The following VRK3 variants were observed in gnomAD, a reference collection of about 807,000 sequenced individuals.
VRK3 encodes serine/threonine-protein kinase VRK3.
VRK3 carries 50 observed loss-of-function variants against 60.4 expected under a neutral mutation model. The ratio of observed to expected loss-of-function variants is 0.83; its 90% CI spans 0.66 to 1.05. The LOEUF is 1.05. Among genes scored for constraint, VRK3 ranks in the 50% least tolerant of loss-of-function variants. The pLI is 0.00. For synonymous variants in VRK3, 246 were observed against 227.8 expected (o/e 1.08, Z -0.72); for missense variants, 549 against 585.3 (o/e 0.94, Z 0.64).
At chr19:50,010,936 CAAAAAACAAAAACAAAAAAG>C (rs1275313722) in intron 3 of VRK3, among the ~76,000 whole-genome samples, 2 of 145,542 alleles carry the variant, frequency 1.4e-5, no homozygotes, top group Admixed American at 6.7e-5. Context: ...AAACAAAAAA[CAAAAAACAAAAACAAAAAAG>C]GGAATTCTCA....
At chr19:50,014,846 G>A (rs2077049036) in intron 3 of VRK3, among the ~76,000 whole-genome samples, 1 of 152,190 alleles carries the variant, frequency 6.6e-6, no homozygotes, top group Admixed American at 6.5e-5. Flanking sequence ...TGTATTCACA[G>A]GATCTCTCTG....
intron 12 of VRK3, among the ~76,000 whole-genome samples, chr19:49,985,296 G>C (rs1057454526): frequency 2.6e-5 from 4 of 152,218 alleles, no homozygotes; most frequent in Non-Finnish European, 5.9e-5. Context: ...TAGAGAGTAA[G>C]TGTAAAAATA....
At chr19:49,981,128 A>G in intron 12 of VRK3, 115 bp from the exon 13 acceptor site, 1 of 958,940 alleles carries the variant, frequency 1.0e-6, no homozygotes, top group Non-Finnish European at 1.6e-6. Flanking sequence ...CCCCTCTGCC[A>G]TCCAGGGAAG....
chr19:49,979,966 C>T (rs1215037321), intron 13 of VRK3, among the ~76,000 whole-genome samples: 1 of 152,094 alleles, frequency 6.6e-6, no homozygotes, highest in East Asian at 1.9e-4. Context: ...AGGAGAATGG[C>T]TTGAACCCGG....
chr19:50,002,536 G>A (rs1195822010), intron 5 of VRK3, among the ~76,000 whole-genome samples: 2 of 152,100 alleles, frequency 1.3e-5, no homozygotes, highest in African/African-American at 2.4e-5. Context: ...ATGACAATGC[G>A]TACGTGCCCG....
intron 12 of VRK3, among the ~76,000 whole-genome samples, chr19:49,987,202 A>G (rs1164143758): frequency 6.6e-6 from 1 of 152,170 alleles, no homozygotes; most frequent in Non-Finnish European, 1.5e-5. Flanking sequence ...TCTGAAGTGC[A>G]TGCCTAGCAC....
rs1051381696 is a variant in VRK3, at chr19:50,008,428, C to A, written c.290-602G>T. Reference sequence around the variant, plus strand: ...CCTCCCACCCACCATCCCCTAAAGGCAAGTAATGGCAAGAGGCCTCTGGGC... The same window carrying A: ...CCTCCCACCCACCATCCCCTAAAGGAAAGTAATGGCAAGAGGCCTCTGGGC... On this transcript the variant is annotated intron_variant, in intron 4 of 14. Coordinates refer to ENST00000316763, the MANE Select transcript of VRK3 (RefSeq NM_016440.4). 2.6e-5 allele frequency among the ~76,000 whole-genome samples: 4 copies of A among 152,132 alleles called. No homozygotes were observed. In the East Asian group the frequency reaches 7.7e-4, roughly 29 times the overall value.
At chr19:49,988,304 T>C (rs1367025911) in intron 12 of VRK3, 68 bp downstream of exon 12, 3 of 1,562,434 alleles carry the variant, frequency 1.9e-6, no homozygotes, top group Non-Finnish European at 2.6e-6. Context: ...AGTTGGGCTC[T>C]GGGCTTCTGT....
At chr19:49,995,918 T>G (rs558002042) in intron 7 of VRK3, among the ~76,000 whole-genome samples, 1 of 152,190 alleles carries the variant, frequency 6.6e-6, no homozygotes, top group Non-Finnish European at 1.5e-5. Context: ...CCAGCTAATT[T>G]TTTTTTATTT....
chr19:49,993,152 A>C (rs527801919), intron 9 of VRK3, among the ~76,000 whole-genome samples, 200 bp from the exon 10 acceptor site: 1 of 152,332 alleles, frequency 6.6e-6, no homozygotes, highest in South Asian at 2.1e-4. Flanking sequence ...TCAGGCTCTC[A>C]GGAAGCTCAT....
chr19:49,979,258 C>A lies in VRK3; in HGVS notation c.1277-16G>T. Reference sequence around the variant, plus strand: ...TGCAGGGTCTCTGTGGTCAAGACAACCCCCAGCAAGGGAGAGCCTGAGAGG... The same window carrying A: ...TGCAGGGTCTCTGTGGTCAAGACAAACCCCAGCAAGGGAGAGCCTGAGAGG... On this transcript the variant is annotated splice_polypyrimidine_tract_variant and intron_variant, in intron 13 of 14. Coordinates refer to ENST00000316763, the MANE Select transcript of VRK3 (RefSeq NM_016440.4). The A allele has an allele frequency of 1.9e-6, 3 of 1,614,018 alleles. No individual in the cohort carries two copies. Among genetic ancestry groups the A allele is most frequent in the Non-Finnish European group, 2.5e-6 (3 of 1,179,996 alleles).
chr19:50,016,044 G>A lies in VRK3; in HGVS notation c.119C>T (p.Pro40Leu), dbSNP rs774776952. 1.2e-6 allele frequency: 2 copies of A among 1,614,156 alleles called. No individual in the cohort carries two copies. Among genetic ancestry groups the A allele is most frequent in the East Asian group, 4.5e-5 (2 of 44,882 alleles). ...CTTACCTTGGAAGGATGACACATGTGGATTGACAAAGGTCTGGGACCCTAC... is the reference window on the plus strand; with the variant it reads ...CTTACCTTGGAAGGATGACACATGTAGATTGACAAAGGTCTGGGACCCTAC... ...EHVGSQTFVNPHVSSFQGSKR... is the reference protein window; with the variant it reads ...EHVGSQTFVNLHVSSFQGSKR... The change falls in exon 3 of 15, where the codon CCA becomes CTA. Residue 40 changes from proline to leucine, a missense_variant. Coordinates refer to ENST00000316763, the MANE Select transcript of VRK3 (RefSeq NM_016440.4).
chr19:49,977,757 G>A (rs1483004213), intron 14 of VRK3, among the ~76,000 whole-genome samples: 1 of 152,292 alleles, frequency 6.6e-6, no homozygotes, highest in African/African-American at 2.4e-5. Context: ...CGGAGGAGCT[G>A]TGTATCGAGC....
chr19:50,013,491 T>C (rs1482741823), intron 3 of VRK3, among the ~76,000 whole-genome samples: 1 of 152,258 alleles, frequency 6.6e-6, no homozygotes, highest in Non-Finnish European at 1.5e-5. Flanking sequence ...TTTTCTGTTA[T>C]CTGCAGCTAA....
In VRK3 at chr19:49,992,798, T is replaced by C. The variant is rs1477029689; in HGVS notation, c.963+62A>G. On this transcript the variant is annotated intron_variant, in intron 10 of 14. Coordinates refer to ENST00000316763, the MANE Select transcript of VRK3 (RefSeq NM_016440.4). ...TAAGCACTATGAAATAAATAGAGAT[T>C]TGGAGACAGATGGGAACCTGAGCCC... 3.4e-6 allele frequency: 5 copies of C among 1,489,572 alleles called. No homozygotes were observed. The East Asian group carries it at 1.1e-4, about 34-fold the overall frequency. The allele number at this position is 1,489,572 out of a possible 1,614,324, so 92.3% of individuals were successfully genotyped here. A position where few individuals can be genotyped will look rare whatever the true frequency, so the allele number is the denominator to read the frequency against.
chr19:49,995,155 A>G, intron 8 of VRK3, 36 bp downstream of exon 8: 2 of 1,604,192 alleles, frequency 1.2e-6, no homozygotes, highest in Non-Finnish European at 1.7e-6. Context: ...AAGAGGAAAG[A>G]GGCCGGTGAG....
At chr19:49,980,100 C>G (rs1393148005) in intron 13 of VRK3, among the ~76,000 whole-genome samples, 1 of 151,706 alleles carries the variant, frequency 6.6e-6, no homozygotes, top group African/African-American at 2.4e-5. Flanking sequence ...AAAAAATGAG[C>G]CTTAGAGAGC....
intron 6 of VRK3, chr19:50,000,464 A>AT (rs771312039): frequency 4.7e-5 from 18 of 380,978 alleles, no homozygotes; most frequent in Non-Finnish European, 8.3e-5. Flanking sequence ...GGCCGGTGGT[A>AT]GGGGGCAGAT....
intron 13 of VRK3, among the ~76,000 whole-genome samples, chr19:49,979,982 A>C (rs951305905): frequency 2.0e-5 from 3 of 152,026 alleles, no homozygotes; most frequent in African/African-American, 7.2e-5. Flanking sequence ...CCCGGGAGGC[A>C]GAGCTTGCAG....
Sources: allele counts gnomAD v4.1 joint callset (sites outside exome capture counted in the v4.1 genomes callset), GRCh38; gene constraint gnomAD v4.1.1; transcripts MANE v1.5; gene names NCBI Gene and HGNC (gene_info 2026-07-23, HGNC 2026-07-21).